Variants in BEST1 observed in about 807,000 individuals in gnomAD.
BEST1 encodes bestrophin 1, also known as bestrophin-1.
In BEST1, 58 loss-of-function variants were observed where a neutral mutation model predicts 63.3. That is an observed-to-expected ratio of 0.92 (90% confidence interval 0.74 to 1.14). The LOEUF (loss-of-function observed/expected upper bound fraction) is 1.14. Ranked by LOEUF, BEST1 falls within the 50% of genes most tolerant of loss-of-function variation. The probability of loss-of-function intolerance (pLI) is 0.00; values close to 1 mark genes in which losing one functional copy is unlikely to be tolerated. For missense variants in BEST1, 671 were observed against 740.1 expected (o/e 0.91, Z 1.08); for synonymous variants, 283 against 291.6 (o/e 0.97, Z 0.30).
chr11:61,958,170 T>C lies in BEST1; in HGVS notation c.739T>C (p.Phe247Leu). The C allele has an allele frequency of 6.2e-7, 1 of 1,613,998 alleles. No individual in the cohort carries two copies. Residue 247 changes from phenylalanine to leucine, a missense_variant, in exon 7 of 11, where the codon TTC becomes CTC. Physicochemically the swap from Phe to Leu is conservative, Grantham distance 22. Transcript: ENST00000378043. ...GGTGGTGACTGTGGCGGTGTACAGCTTCTTCCTGACTTGTCTAGTTGGGCG... is the reference window on the plus strand; with the variant it reads ...GGTGGTGACTGTGGCGGTGTACAGCCTCTTCCTGACTTGTCTAGTTGGGCG... Reference protein sequence around the residue: ...TQVVTVAVYSFFLTCLVGRQF... With the variant: ...TQVVTVAVYSLFLTCLVGRQF...
intron 7 of BEST1, chr11:61,958,809 C>T: frequency 3.1e-6 from 1 of 326,076 alleles, no homozygotes; most frequent in Non-Finnish European, 5.9e-6. Flanking sequence ...CTCTCCCTTC[C>T]TACCTTCCTT....
chr11:61,951,598 T>C lies in BEST1; in HGVS notation c.-36-173T>C, dbSNP rs11825719. Among the ~76,000 whole-genome samples, 3,487 of 152,320 alleles carry C rather than the reference T, an allele frequency of 0.023. 117 individuals are homozygous for C. Among genetic ancestry groups the C allele is most frequent in the African/African-American group, 0.078 (3,222 of 41,566 alleles). ...AGGGCAGCCTCTGGGCTCACTTTCT[T>C]GCGTTTCTACTTCCAAAAGGCAGTC... On this transcript the variant is annotated intron_variant, in intron 1 of 10. Transcript: ENST00000378043.
At chr11:61,950,813 G>A (rs1248357550) in intron 1 of BEST1, among the ~76,000 whole-genome samples, 1 of 152,208 alleles carries the variant, frequency 6.6e-6, no homozygotes, top group East Asian at 1.9e-4. Flanking sequence ...AGCAAGGTGA[G>A]GAGACACAGA....
intron 2 of BEST1, among the ~76,000 whole-genome samples, chr11:61,953,155 C>T (rs548152600): frequency 5.9e-5 from 9 of 152,250 alleles, no homozygotes; most frequent in Admixed American, 2.6e-4. Context: ...TATATGATAG[C>T]ATTTTAAATT....
chr11:61,962,572 G>A lies in BEST1; in HGVS notation c.1418G>A (p.Ser473Asn). The A allele has an allele frequency of 6.2e-7, 1 of 1,614,056 alleles. No homozygotes were observed. Among genetic ancestry groups the A allele is most frequent in the Non-Finnish European group, 8.5e-7 (1 of 1,179,988 alleles). The change falls in exon 10 of 11, where the codon AGC becomes AAC. Residue 473 changes from serine (S) to asparagine (N), a missense_variant. Physicochemically the swap from Ser to Asn is conservative, Grantham distance 46 (BLOSUM62 1). Transcript: ENST00000378043. ...TACAGTGCCCCACAGACGCCCCTCAGCCCCACTCCCATGTTCTTCCCCCTA... is the reference window on the plus strand; with the variant it reads ...TACAGTGCCCCACAGACGCCCCTCAACCCCACTCCCATGTTCTTCCCCCTA... ...GYYSAPQTPL[S>N]PTPMFFPLEP...
chr11:61,957,536 G>T lies in BEST1; in HGVS notation c.714+72G>T, dbSNP rs1383771101. ...GAAGGACCAAGGAAGCAGCTGGGGT[G>T]GGAAGGGCTCACCTAGAGGCTAAGT... is the stretch of plus-strand genomic sequence containing the variant. On this transcript the variant is annotated intron_variant, in intron 6 of 10. Transcript: ENST00000378043. 3 of 1,451,580 alleles carry T rather than the reference G, an allele frequency of 2.1e-6. No individual in the cohort carries two copies. In the East Asian group the frequency reaches 6.8e-5, roughly 33 times the overall value. 89.9% of individuals were successfully genotyped at this position (1,451,580 alleles called of 1,614,324 possible).
Position 61,959,975 on chromosome 11 carries a change from G to GC in BEST1, c.1038dup (p.Tyr347LeufsTer54). The GC allele has an allele frequency of 9.9e-6, 16 of 1,612,550 alleles. No homozygotes were observed. The highest frequency in any genetic ancestry group is 1.4e-5 in the Non-Finnish European group (16 of 1,179,454). Reference sequence around the variant, plus strand: ...TGTACTGGAATAAGCCCGAGCCACAGCCCCCCTACACAGCTGCTTCCGCCC... The same window carrying GC: ...TGTACTGGAATAAGCCCGAGCCACAGCCCCCCCTACACAGCTGCTTCCGCCC... On this transcript the variant is annotated frameshift_variant, in exon 9 of 11. Transcript: ENST00000378043. LOFTEE classifies it high-confidence loss of function.
In BEST1 at chr11:61,958,270, A is replaced by G; in HGVS notation, c.839A>G (p.Gln280Arg). 1.2e-6 allele frequency: 2 copies of G among 1,614,188 alleles called. No individual in the cohort carries two copies. Among genetic ancestry groups the G allele is most frequent in the Non-Finnish European group, 1.7e-6 (2 of 1,180,036 alleles). The change falls in exon 7 of 11, where the codon CAG becomes CGG. Residue 280 changes from glutamine to arginine, a missense_variant. Coordinates refer to ENST00000378043, the MANE Select transcript of BEST1 (RefSeq NM_004183.4). ...GTTGTGCCCGTCTTCACGTTCCTGC[A>G]GTTCTTCTTCTATGTTGGCTGGCTG... ...DLVVPVFTFL[Q>R]FFFYVGWLKV...
At chr11:61,954,788 C>T in intron 2 of BEST1, 9 of 985,238 alleles carry the variant, frequency 9.1e-6, no homozygotes, top group Non-Finnish European at 1.1e-5. Context: ...ACAACTGACC[C>T]TTGGCTGCAT....
intron 2 of BEST1, among the ~76,000 whole-genome samples, chr11:61,954,573 G>T (rs567066849): frequency 6.6e-6 from 1 of 152,298 alleles, no homozygotes. Flanking sequence ...CTGGGCTGAA[G>T]TGATCCTCCT....
At position 61,964,206 on chromosome 11, in the gene BEST1, C is replaced by T; in HGVS notation, c.*84C>T. On this transcript the variant is annotated 3_prime_UTR_variant, in exon 11 of 11. Transcript: ENST00000378043. ...GGACACTGATCCAGTCACAGCCATACAGCTGTCCACACTGAAGAACATGTC... is the reference window on the plus strand; with the variant it reads ...GGACACTGATCCAGTCACAGCCATATAGCTGTCCACACTGAAGAACATGTC... 1.9e-6 allele frequency: 3 copies of T among 1,604,900 alleles called. No homozygotes were observed. The highest frequency in any genetic ancestry group is 1.7e-5 in the Admixed American group (1 of 58,914).
chr11:61,962,783 T>A lies in BEST1; in HGVS notation c.1629T>A (p.Asp543Glu), dbSNP rs1301327650. The change falls in exon 10 of 11, where the codon GAT becomes GAA. Residue 543 changes from aspartate (D) to glutamate (E), a missense_variant. Transcript: ENST00000378043. ...RRKTVEFNLT[D>E]MPEIPENHLK... ...AAACTGTGGAGTTTAACCTGACGGA[T>A]ATGCCAGAGATCCCCGAAAATCACC... The A allele has an allele frequency of 1.2e-6, 2 of 1,614,168 alleles. No individual in the cohort carries two copies. The highest frequency in any genetic ancestry group is 3.3e-5 in the Admixed American group (2 of 60,014).
intron 9 of BEST1, chr11:61,962,010 C>CG (rs1942115054): frequency 1.8e-6 from 1 of 562,122 alleles, no homozygotes; most frequent in South Asian, 2.1e-5. Flanking sequence ...GGGGTGGTTG[C>CG]GGGGGTTGGA....
chr11:61,955,982 C>A, intron 4 of BEST1, 31 bp downstream of exon 4: 1 of 1,535,102 alleles, frequency 6.5e-7, no homozygotes, highest in East Asian at 2.5e-5. Flanking sequence ...GGGGAGGCAC[C>A]GGGCAGAGCC....
intron 5 of BEST1, 122 bp from the exon 6 acceptor site, chr11:61,957,265 T>C (rs1941473836): frequency 9.6e-7 from 1 of 1,041,764 alleles, no homozygotes; most frequent in Non-Finnish European, 1.5e-6. Flanking sequence ...GAGCTTCCCA[T>C]GGCCACACAG....
At chr11:61,964,969 T>A (rs1176679206), downstream of BEST1, 1 of 1,614,156 alleles carries the variant, frequency 6.2e-7, no homozygotes, top group Admixed American at 1.7e-5. Context: ...ATTTATTTCC[T>A]GGGGTTCCAA....
intron 10 of BEST1, chr11:61,963,191 CTGA>C: frequency 7.0e-7 from 1 of 1,434,670 alleles, no homozygotes; most frequent in East Asian, 2.5e-5. Flanking sequence ...TGCCCCAGGG[CTGA>C]CAGGCCAGGC....
chr11:61,957,535 T>A lies in BEST1; in HGVS notation c.714+71T>A, dbSNP rs185387478. ...AGAAGGACCAAGGAAGCAGCTGGGG[T>A]GGGAAGGGCTCACCTAGAGGCTAAG... is the stretch of plus-strand genomic sequence containing the variant. On this transcript the variant is annotated intron_variant, in intron 6 of 10. Coordinates refer to ENST00000378043, the MANE Select transcript of BEST1 (RefSeq NM_004183.4). The A allele has an allele frequency of 5.9e-3, 8,549 of 1,460,406 alleles. 464 individuals are homozygous for A. The African/African-American group carries it at 0.11, about 19-fold the overall frequency. 90.5% of individuals were successfully genotyped at this position (1,460,406 alleles called of 1,614,324 possible).
chr11:61,958,206 A>G lies in BEST1; in HGVS notation c.775A>G (p.Asn259Asp). ...LTCLVGRQFL[N>D]PAKAYPGHEL... The stretch of plus-strand genomic sequence containing the variant: ...TTGTCTAGTTGGGCGGCAGTTTCTG[A>G]ACCCAGCCAAGGCCTACCCTGGCCA... The change falls in exon 7 of 11, where the codon AAC becomes GAC. Residue 259 changes from asparagine (N) to aspartate (D), a missense_variant. Asn to Asp is a conservative substitution (Grantham distance 23). Coordinates refer to ENST00000378043, the MANE Select transcript of BEST1 (RefSeq NM_004183.4). The G allele has an allele frequency of 6.2e-7, 1 of 1,614,108 alleles. No homozygotes were observed. Among genetic ancestry groups the G allele is most frequent in the Non-Finnish European group, 8.5e-7 (1 of 1,180,016 alleles).
Sources: gnomAD v4.1 joint callset for allele counts (sites outside exome capture counted in the v4.1 genomes callset) on GRCh38, gnomAD v4.1.1 for gene constraint, MANE v1.5 for transcripts, NCBI Gene and HGNC (gene_info 2026-07-23, HGNC 2026-07-21) for gene names.